LINC00632: variants seen among roughly 807,000 people sequenced by gnomAD.
The protein encoded by LINC00632 is long independently transcribed non-coding RNA 632, also known as ALDOA related specific transcript.
chrX:140,759,344 C>CCTTT (rs1188901479), intron 3 of LINC00632, among the ~76,000 whole-genome samples: 13 of 23,049 alleles, frequency 5.6e-4, no homozygotes, highest in East Asian at 1.6e-3. Context: ...TTCCTTCCTT[C>CCTTT]CTTTCTTTCT....
intron 2 of LINC00632, among the ~76,000 whole-genome samples, chrX:140,721,025 T>C (rs1930720218): frequency 9.0e-6 from 1 of 111,086 alleles, no homozygotes; most frequent in Admixed American, 9.7e-5. Context: ...TTGCCCCATG[T>C]CACCAGACTT....
At chrX:140,787,997 T>A (rs986056532) in exon 5 of LINC00632, among the ~76,000 whole-genome samples, 2 of 110,330 alleles carry the variant, frequency 1.8e-5, no homozygotes, top group African/African-American at 6.6e-5. Context: ...ATGGGTAGAT[T>A]TTACTTCTAG....
intron 2 of LINC00632, among the ~76,000 whole-genome samples, chrX:140,715,600 AAAAG>A (rs199659440): frequency 0.48 from 51,148 of 106,414 alleles, 9,821 homozygotes; most frequent in South Asian, 0.72. Flanking sequence ...GTCTAAAAAA[AAAAG>A]AAAGAAAGAA....
At chrX:140,786,269 C>T (rs1202110863) in exon 5 of LINC00632, among the ~76,000 whole-genome samples, 2 of 112,034 alleles carry the variant, frequency 1.8e-5, no homozygotes, top group Admixed American at 9.5e-5. Context: ...ATTTATTGAG[C>T]GCTAACTGTA....
rs1478224504 is a variant in LINC00632 at position 140,783,976 on chromosome X, C to G, written n.11995C>G. On this transcript the variant is annotated non_coding_transcript_exon_variant, in exon 5 of 5. Coordinates refer to ENST00000648200, the Ensembl canonical transcript of LINC00632. ...CATCTTCCAATGGCCTCCAGGTCTTCCAGACTATCCATGTCTTCCAGAAAA... is the reference window on the plus strand; with the variant it reads ...CATCTTCCAATGGCCTCCAGGTCTTGCAGACTATCCATGTCTTCCAGAAAA... 2.5e-6 allele frequency: 3 copies of G among 1,209,499 alleles called. No individual in the cohort carries two copies. The highest frequency in any genetic ancestry group is 3.4e-6 in the Non-Finnish European group (3 of 895,067).
At chrX:140,742,643 G>C (rs898579876) in intron 3 of LINC00632, among the ~76,000 whole-genome samples, 3 of 110,534 alleles carry the variant, frequency 2.7e-5, no homozygotes, top group Non-Finnish European at 5.7e-5. Flanking sequence ...CCCCTAAAGA[G>C]AGAGTATGCA....
At chrX:140,726,390 C>T (rs1243842849) in intron 2 of LINC00632, among the ~76,000 whole-genome samples, 1 of 110,690 alleles carries the variant, frequency 9.0e-6, no homozygotes, top group Non-Finnish European at 1.9e-5. Flanking sequence ...TCAGATCTAC[C>T]CTACAGAACA....
At chrX:140,750,093 T>TA (rs1931388236) in intron 3 of LINC00632, among the ~76,000 whole-genome samples, 1 of 110,925 alleles carries the variant, frequency 9.0e-6, no homozygotes, top group Non-Finnish European at 1.9e-5. Context: ...AATTCAGCCA[T>TA]AAAAAAGAAA....
intron 3 of LINC00632, among the ~76,000 whole-genome samples, chrX:140,735,251 T>C (rs1243996631): frequency 9.0e-6 from 1 of 111,539 alleles, no homozygotes; most frequent in Non-Finnish European, 1.9e-5. Flanking sequence ...AAAAATAATT[T>C]TTAATGATTA....
exon 5 of LINC00632, chrX:140,783,215 C>A: frequency 4.9e-6 from 1 of 204,858 alleles, no homozygotes. Context: ...CCAACAACTC[C>A]GGGTCTTCCA....
chrX:140,768,805 A>G (rs1255767196), intron 3 of LINC00632, among the ~76,000 whole-genome samples: 1 of 101,582 alleles, frequency 9.8e-6, no homozygotes, highest in Non-Finnish European at 2.0e-5. Context: ...AGATTAGTGT[A>G]TAAGTATATA....
At chrX:140,754,883 C>CA (rs756567951) in intron 3 of LINC00632, among the ~76,000 whole-genome samples, 9 of 109,752 alleles carry the variant, frequency 8.2e-5, no homozygotes, top group Non-Finnish European at 1.7e-4. Context: ...GGTTCACCCT[C>CA]ACTGAAGTCT....
exon 5 of LINC00632, among the ~76,000 whole-genome samples, chrX:140,775,321 T>C (rs1266943737): frequency 8.9e-6 from 1 of 112,534 alleles, no homozygotes; most frequent in Non-Finnish European, 1.9e-5. Flanking sequence ...GTTATTGTCA[T>C]GGTTGTTTTA....
At chrX:140,725,288 CACACATTCCATACGCACAA>C (rs1358677510) in intron 2 of LINC00632, among the ~76,000 whole-genome samples, 3 of 94,320 alleles carry the variant, frequency 3.2e-5, no homozygotes, top group Non-Finnish European at 6.2e-5. Context: ...TCCATACACA[CACACATTCCATACGCACAA>C]ACACATTCCA....
At chrX:140,724,758 C>G (rs1930891152) in intron 2 of LINC00632, among the ~76,000 whole-genome samples, 1 of 65,258 alleles carries the variant, frequency 1.5e-5, no homozygotes, top group East Asian at 5.5e-4. Flanking sequence ...CATACACACA[C>G]AGACACATTC....
intron 3 of LINC00632, among the ~76,000 whole-genome samples, chrX:140,745,876 A>C (rs911271589): frequency 8.9e-6 from 1 of 111,970 alleles, no homozygotes; most frequent in African/African-American, 3.2e-5. Flanking sequence ...CTTACATAAG[A>C]TTGAGGAATT....
chrX:140,787,523 C>A (rs1932035648), exon 5 of LINC00632, among the ~76,000 whole-genome samples: 1 of 111,381 alleles, frequency 9.0e-6, no homozygotes. Context: ...ACGTGGTGTT[C>A]CTGTACATAT....
At chrX:140,723,537 C>T (rs201712276) in intron 2 of LINC00632, among the ~76,000 whole-genome samples, 1 of 14,403 alleles carries the variant, frequency 6.9e-5, no homozygotes, top group African/African-American at 2.0e-4. Context: ...CATACACACA[C>T]ACACATTCCA....
intron 3 of LINC00632, among the ~76,000 whole-genome samples, chrX:140,737,235 T>C (rs1358543728): frequency 2.7e-5 from 3 of 111,624 alleles, no homozygotes; most frequent in Non-Finnish European, 5.6e-5. Context: ...TATTTTACGA[T>C]ACAGTCTGAG....
Sources: allele counts gnomAD v4.1 joint callset (sites outside exome capture counted in the v4.1 genomes callset), GRCh38; gene constraint gnomAD v4.1.1; transcripts MANE v1.5; gene names NCBI Gene and HGNC (gene_info 2026-07-23, HGNC 2026-07-21).